Variants in PCDHGA7 observed in about 807,000 individuals in gnomAD.
The protein encoded by PCDHGA7 is protocadherin gamma subfamily A, 7.
In PCDHGA7, 44 loss-of-function variants were observed where a neutral mutation model predicts 58.3. The ratio of observed to expected loss-of-function variants is 0.75; its 90% CI spans 0.59 to 0.97. PCDHGA7 has a LOEUF of 0.97. PCDHGA7 is among the 50% of genes least tolerant of loss of function. The pLI is 0.00. For synonymous variants in PCDHGA7, 516 were observed against 504.2 expected (o/e 1.02, Z -0.31); for missense variants, 1,266 against 1,188.7 (o/e 1.06, Z -0.96).
At chr5:141,441,005 C>T (rs772059231) in intron 1 of PCDHGA7, 1 of 152,116 alleles carries the variant, frequency 6.6e-6, no homozygotes, top group Non-Finnish European at 1.5e-5. Context: ...CTAGTTTGGC[C>T]TTGATCAAAT....
rs747917835 is a variant in PCDHGA7 at position 141,487,659 on chromosome 5, AT to A, written c.2425-7147del. 3.7e-6 allele frequency: 6 copies of A among 1,613,466 alleles called. No homozygotes were observed. Among genetic ancestry groups the A allele is most frequent in the Non-Finnish European group, 5.1e-6 (6 of 1,179,716 alleles). On this transcript the variant is annotated intron_variant, in intron 1 of 3. Coordinates refer to ENST00000518325, the MANE Select transcript of PCDHGA7 (RefSeq NM_018920.4). This position sits in a 1 kb window ranked among gnomAD's most constrained non-coding sequence, Gnocchi z 5.0. ...CAACAAATGCTTGAGGGTTATTCTGATCCAGGCATATGGCTAGGCCATGTCC... is the reference window on the plus strand; with the variant it reads ...CAACAAATGCTTGAGGGTTATTCTGACCAGGCATATGGCTAGGCCATGTCC...
Position 141,489,361 on chromosome 5 carries a change from C to A in PCDHGA7, c.2425-5446C>A. ...TTACTCAGTGGTGGAGGAGTCTGAG[C>A]CGGGGACGCTGGTGGGGAATGTTGC... On this transcript the variant is annotated intron_variant, in intron 1 of 3. Transcript: ENST00000518325. This position sits in a 1 kb window ranked among gnomAD's most constrained non-coding sequence, Gnocchi z 4.5. 1 of 1,612,880 alleles carries A rather than the reference C, an allele frequency of 6.2e-7. No individual in the cohort carries two copies. The highest frequency in any genetic ancestry group is 8.5e-7 in the Non-Finnish European group (1 of 1,179,164).
At chr5:141,447,280 C>T (rs2098533193) in intron 1 of PCDHGA7, among the ~76,000 whole-genome samples, 1 of 152,172 alleles carries the variant, frequency 6.6e-6, no homozygotes, top group Non-Finnish European at 1.5e-5. Context: ...GCTGGGACTA[C>T]AGGCACATGC....
intron 1 of PCDHGA7, among the ~76,000 whole-genome samples, chr5:141,387,296 C>T (rs2090893790): frequency 6.6e-6 from 1 of 152,134 alleles, no homozygotes; most frequent in Non-Finnish European, 1.5e-5. Flanking sequence ...TAAAATGTAT[C>T]CAGTATATTT....
At position 141,511,211 on chromosome 5, in the gene PCDHGA7, C is replaced by G; in HGVS notation, c.*38C>G. ...GCCAAGAGCCACAGGGCGGCCTCTC[C>G]CCAACCAGCCCAGCTTCTCCTTACC... On this transcript the variant is annotated 3_prime_UTR_variant, in exon 4 of 4. Transcript: ENST00000518325. The G allele has an allele frequency of 6.2e-7, 1 of 1,608,626 alleles. No individual in the cohort carries two copies. The highest frequency in any genetic ancestry group is 8.5e-7 in the Non-Finnish European group (1 of 1,177,476).
intron 1 of PCDHGA7, chr5:141,389,731 G>C (rs761645703): frequency 6.2e-7 from 1 of 1,612,688 alleles, no homozygotes; most frequent in Non-Finnish European, 8.5e-7. Context: ...GGGCTCTTCA[G>C]CCTGGGGCTG....
chr5:141,388,628 G>T (rs752578230), intron 1 of PCDHGA7: 1 of 1,613,898 alleles, frequency 6.2e-7, no homozygotes, highest in East Asian at 2.2e-5. Flanking sequence ...ACGTATACAG[G>T]GTGAGCCTTT....
chr5:141,410,090 C>A (rs369832481), intron 1 of PCDHGA7: 51 of 1,612,358 alleles, frequency 3.2e-5, no homozygotes, highest in Middle Eastern at 1.7e-4. Context: ...GCGCACGGCT[C>A]GAGCCTTAGG....
chr5:141,403,040 C>CA (rs1195249780), intron 1 of PCDHGA7: 1 of 1,613,950 alleles, frequency 6.2e-7, no homozygotes, highest in Non-Finnish European at 8.5e-7. Flanking sequence ...CAGGGCCAGT[C>CA]AGATTCGCTA....
intron 1 of PCDHGA7, chr5:141,408,083 C>G (rs1045548793): frequency 3.5e-6 from 5 of 1,414,460 alleles, no homozygotes; most frequent in Non-Finnish European, 4.7e-6. Context: ...CCCAGCACAG[C>G]GGATTGCCAG....
intron 1 of PCDHGA7, chr5:141,441,667 A>C: frequency 3.7e-6 from 1 of 267,984 alleles, no homozygotes; most frequent in Non-Finnish European, 7.4e-6. Flanking sequence ...TTGAGCGCAC[A>C]GTGCGCCTTC....
Position 141,485,992 on chromosome 5 carries a change from C to T in PCDHGA7, c.2425-8815C>T. The T allele has an allele frequency of 6.2e-7, 1 of 1,614,156 alleles. No individual in the cohort carries two copies. The highest frequency in any genetic ancestry group is 2.2e-5 in the East Asian group (1 of 44,870). On this transcript the variant is annotated intron_variant, in intron 1 of 3. Coordinates refer to ENST00000518325, the MANE Select transcript of PCDHGA7 (RefSeq NM_018920.4). The surrounding 1 kb of genome is among the most constrained non-coding windows in gnomAD (Gnocchi z 5.7). ...ATGCCTCAGACCCGGACCTGGGTCC[C>T]AGTGGTAACGTCACCTTTTATTTCA...
At position 141,398,516 on chromosome 5, in the gene PCDHGA7, C is replaced by G. The variant is rs779535322; in HGVS notation, c.2424+13193C>G. On this transcript the variant is annotated intron_variant, in intron 1 of 3. Coordinates refer to ENST00000518325, the MANE Select transcript of PCDHGA7 (RefSeq NM_018920.4). ...GAGATCGAGGACATTAATGACCACA[C>G]GCCAAAATTCACGCAAAATTCCTTT... is the stretch of plus-strand genomic sequence containing the variant. The G allele has an allele frequency of 4.4e-5, 70 of 1,598,584 alleles. No individual in the cohort carries two copies. The highest frequency in any genetic ancestry group is 4.3e-4 in the Admixed American group (25 of 58,660).
intron 1 of PCDHGA7, among the ~76,000 whole-genome samples, chr5:141,474,085 AAAAC>A (rs937548165): frequency 1.3e-5 from 2 of 152,188 alleles, no homozygotes; most frequent in African/African-American, 4.8e-5. Flanking sequence ...CAAAAACCAA[AAAAC>A]AAACAACAAC....
chr5:141,490,544 A>G lies in PCDHGA7; in HGVS notation c.2425-4263A>G. 6.2e-7 allele frequency: 1 copy of G among 1,614,120 alleles called. No individual in the cohort carries two copies. Among genetic ancestry groups the G allele is most frequent in the Non-Finnish European group, 8.5e-7 (1 of 1,180,028 alleles). ...AGCGATGCTGGTTCACCTTCCCTAC[A>G]CAAACATCTCACCATCAGGCTCAAC... On this transcript the variant is annotated intron_variant, in intron 1 of 3. Transcript: ENST00000518325. This position sits in a 1 kb window ranked among gnomAD's most constrained non-coding sequence, Gnocchi z 5.4.
chr5:141,393,373 A>G lies in PCDHGA7; in HGVS notation c.2424+8050A>G, dbSNP rs1364997808. 1 of 1,613,956 alleles carries G rather than the reference A, an allele frequency of 6.2e-7. No homozygotes were observed. The highest frequency in any genetic ancestry group is 1.3e-5 in the African/African-American group (1 of 75,054). On this transcript the variant is annotated intron_variant, in intron 1 of 3. Transcript: ENST00000518325. ...TCCCTGGACGTGCAGACTGGAGACA[A>G]TGGAGCCATAAACCCAGAGCTGGTG...
At chr5:141,419,313 G>T in intron 1 of PCDHGA7, 1 of 1,613,974 alleles carries the variant, frequency 6.2e-7, no homozygotes, top group Non-Finnish European at 8.5e-7. Context: ...GGGCTCAACG[G>T]CCGTGTCTCC....
At chr5:141,410,418 T>C (rs2095390746) in intron 1 of PCDHGA7, 26 of 1,614,052 alleles carry the variant, frequency 1.6e-5, no homozygotes, top group Non-Finnish European at 2.2e-5. Context: ...GGACCTGTAG[T>C]TCCCCCCAAC....
intron 1 of PCDHGA7, chr5:141,415,794 A>C: frequency 7.3e-7 from 1 of 1,366,410 alleles, no homozygotes; most frequent in Non-Finnish European, 9.3e-7. Context: ...AAATTCACCT[A>C]GTCTCAATCA....
Sources: gnomAD v4.1 joint callset for allele counts (sites outside exome capture counted in the v4.1 genomes callset) on GRCh38, gnomAD v4.1.1 for gene constraint, Gnocchi (gnomAD v3.1) non-coding constraint, MANE v1.5 for transcripts, NCBI Gene and HGNC (gene_info 2026-07-23, HGNC 2026-07-21) for gene names.